Variants in HMGCLL1 observed in about 807,000 individuals in gnomAD.
The protein encoded by HMGCLL1 is 3-hydroxy-3-methylglutaryl-CoA lyase like 1.
Under a neutral mutation model 39.1 loss-of-function variants are expected in HMGCLL1, and 36 were observed. The ratio of observed to expected loss-of-function variants is 0.92; its 90% CI spans 0.71 to 1.22. The LOEUF (loss-of-function observed/expected upper bound fraction) is 1.22. Ranked by LOEUF, HMGCLL1 falls within the 50% of genes most tolerant of loss-of-function variation. The pLI is 0.00. For missense variants in HMGCLL1, 451 were observed against 416.5 expected, an observed-to-expected ratio of 1.08 and a Z score of -0.72; for synonymous variants, 149 against 144.0, an observed-to-expected ratio of 1.03 and a Z score of -0.25.
chr6:55,554,099 C>G (rs1263513371), intron 1 of HMGCLL1, among the ~76,000 whole-genome samples: 1 of 152,130 alleles, frequency 6.6e-6, no homozygotes, highest in Non-Finnish European at 1.5e-5. Context: ...GTATTCAAAA[C>G]CTGGCTCAAT....
At chr6:55,572,899 A>G (rs1771584790) in intron 1 of HMGCLL1, among the ~76,000 whole-genome samples, 1 of 152,198 alleles carries the variant, frequency 6.6e-6, no homozygotes, top group Non-Finnish European at 1.5e-5. Flanking sequence ...CCAATATACT[A>G]TGCAGGAGAA....
chr6:55,644,865 A>G, the HMGCLL1 span, among the ~76,000 whole-genome samples: 1 of 151,860 alleles, frequency 6.6e-6, no homozygotes, highest in Non-Finnish European at 1.5e-5. Flanking sequence ...TGCTCATAGC[A>G]TAGTTGGCTA....
the HMGCLL1 span, among the ~76,000 whole-genome samples, chr6:55,672,471 AC>A: frequency 6.6e-6 from 1 of 151,846 alleles, no homozygotes; most frequent in African/African-American, 2.4e-5. Context: ...CCTAACCTAT[AC>A]TATTTTCCTT....
intron 7 of HMGCLL1, among the ~76,000 whole-genome samples, chr6:55,445,233 T>C (rs1476875130): frequency 6.6e-6 from 1 of 151,986 alleles, no homozygotes; most frequent in Non-Finnish European, 1.5e-5. Flanking sequence ...ATAAAAATTT[T>C]CTCAATGATA....
the HMGCLL1 span, among the ~76,000 whole-genome samples, chr6:55,588,609 A>C: frequency 2.0e-4 from 31 of 152,128 alleles, no homozygotes; most frequent in African/African-American, 7.2e-4. Context: ...AAATCAATGA[A>C]TCCAGGAGCT....
chr6:55,456,544 T>C (rs1311650372), intron 7 of HMGCLL1, among the ~76,000 whole-genome samples: 1 of 152,202 alleles, frequency 6.6e-6, no homozygotes, highest in Non-Finnish European at 1.5e-5. Flanking sequence ...GACTGATTCC[T>C]TCAGGATGCA....
At chr6:55,621,025 A>T in the HMGCLL1 span, among the ~76,000 whole-genome samples, 1 of 151,540 alleles carries the variant, frequency 6.6e-6, no homozygotes, top group Non-Finnish European at 1.5e-5. Context: ...GGTTACTAGA[A>T]CTCTGCAGTA....
At chr6:55,470,462 G>A (rs954084368) in intron 7 of HMGCLL1, among the ~76,000 whole-genome samples, 1 of 151,732 alleles carries the variant, frequency 6.6e-6, no homozygotes, top group Non-Finnish European at 1.5e-5. Context: ...TTAAAATATT[G>A]TAATTGATAG....
At chr6:55,623,614 C>T in the HMGCLL1 span, among the ~76,000 whole-genome samples, 1 of 150,174 alleles carries the variant, frequency 6.7e-6, no homozygotes, top group Non-Finnish European at 1.5e-5. Context: ...ACTATTAGAG[C>T]CGAAGAGAGA....
chr6:55,540,650 G>T (rs4382261), intron 3 of HMGCLL1, among the ~76,000 whole-genome samples: 1 of 151,940 alleles, frequency 6.6e-6, no homozygotes, highest in Non-Finnish European at 1.5e-5. Context: ...GTATCCCTAA[G>T]TGACTACGAC....
intron 3 of HMGCLL1, among the ~76,000 whole-genome samples, chr6:55,525,031 G>A (rs1472877537): frequency 6.6e-6 from 1 of 151,538 alleles, no homozygotes; most frequent in African/African-American, 2.4e-5. Context: ...ATCAAACAGA[G>A]TAAAAATTGA....
chr6:55,531,277 CAAT>C (rs1479450355), intron 3 of HMGCLL1, among the ~76,000 whole-genome samples: 2 of 152,108 alleles, frequency 1.3e-5, no homozygotes, highest in Non-Finnish European at 2.9e-5. Flanking sequence ...ATAATATCAA[CAAT>C]GTTTATCAAC....
chr6:55,553,202 C>T (rs7756169), intron 1 of HMGCLL1, among the ~76,000 whole-genome samples: 3,603 of 148,078 alleles, frequency 0.024, 70 homozygotes, highest in African/African-American at 0.052. Flanking sequence ...CACACACACA[C>T]ATACACACAC....
the HMGCLL1 span, among the ~76,000 whole-genome samples, chr6:55,642,954 C>T: frequency 4.5e-4 from 68 of 152,120 alleles, no homozygotes; most frequent in African/African-American, 1.6e-3. Flanking sequence ...ATCCACGTTC[C>T]TGCAAAGAAC....
the HMGCLL1 span, among the ~76,000 whole-genome samples, chr6:55,654,444 CA>C: frequency 3.3e-5 from 5 of 151,810 alleles, no homozygotes; most frequent in African/African-American, 1.2e-4. Flanking sequence ...ATATTTTGCA[CA>C]ACAGAATAAG....
chr6:55,661,371 C>T, the HMGCLL1 span, among the ~76,000 whole-genome samples: 1 of 152,006 alleles, frequency 6.6e-6, no homozygotes, highest in Non-Finnish European at 1.5e-5. Flanking sequence ...AGTCTTCAAT[C>T]CATCTTGAGT....
chr6:55,488,321 T>A (rs1041478433), intron 7 of HMGCLL1, among the ~76,000 whole-genome samples: 2 of 152,050 alleles, frequency 1.3e-5, no homozygotes, highest in Non-Finnish European at 2.9e-5. Flanking sequence ...TTTTTAAAAG[T>A]TAAGTCAGTA....
chr6:55,546,316 T>C (rs552765079), intron 1 of HMGCLL1, among the ~76,000 whole-genome samples: 6 of 152,288 alleles, frequency 3.9e-5, no homozygotes, highest in African/African-American at 1.4e-4. Flanking sequence ...CATTTCTGTA[T>C]TTTCATAACG....
intron 7 of HMGCLL1, among the ~76,000 whole-genome samples, chr6:55,477,431 T>A (rs1157649224): frequency 9.7e-5 from 5 of 51,790 alleles, no homozygotes; most frequent in Non-Finnish European, 1.8e-4. Flanking sequence ...TTAATATATA[T>A]TATATATTAT....
Sources: gnomAD v4.1 joint callset for allele counts (sites outside exome capture counted in the v4.1 genomes callset) on GRCh38, gnomAD v4.1.1 for gene constraint, MANE v1.5 for transcripts, NCBI Gene and HGNC (gene_info 2026-07-23, HGNC 2026-07-21) for gene names.